PDE12: variants seen among roughly 807,000 people sequenced by gnomAD.
PDE12 encodes the protein 2',5'-phosphodiesterase 12.
A neutral mutation model predicts 45.4 loss-of-function variants in PDE12; 26 were observed. That is an observed-to-expected ratio of 0.57 (90% CI 0.42 to 0.79). The LOEUF (loss-of-function observed/expected upper bound fraction) is 0.79, where lower values mean the gene tolerates loss of function less well. Ranked by LOEUF, PDE12 falls within the 30% of genes least tolerant of loss-of-function variation. PDE12 has a pLI of 0.00. For missense variants in PDE12, 668 were observed against 790.0 expected (o/e 0.85, Z 1.85); for synonymous variants, 283 against 323.9 (o/e 0.87, Z 1.36).
chr3:57,610,281 C>T, the PDE12 span, among the ~76,000 whole-genome samples: 1 of 152,116 alleles, frequency 6.6e-6, no homozygotes, highest in African/African-American at 2.4e-5. Flanking sequence ...CAATATCATC[C>T]TGAATGGGCA....
the PDE12 span, among the ~76,000 whole-genome samples, chr3:57,647,493 T>C: frequency 2.0e-5 from 3 of 152,184 alleles, no homozygotes; most frequent in Admixed American, 2.0e-4. Context: ...ACTGTGGAAC[T>C]GCTGGAGCCC....
the PDE12 span, among the ~76,000 whole-genome samples, chr3:57,620,810 C>T: frequency 4.6e-5 from 7 of 152,118 alleles, no homozygotes; most frequent in East Asian, 3.9e-4. Context: ...CAAAACATTG[C>T]TGAGAGAAAG....
chr3:57,580,336 T>C, the PDE12 span, among the ~76,000 whole-genome samples: 1 of 152,210 alleles, frequency 6.6e-6, no homozygotes, highest in Non-Finnish European at 1.5e-5. Context: ...TTAGCAAATA[T>C]GTCTCCTCCT....
chr3:57,600,366 CT>C, the PDE12 span, among the ~76,000 whole-genome samples: 1 of 149,540 alleles, frequency 6.7e-6, no homozygotes, highest in African/African-American at 2.5e-5. Flanking sequence ...TCTTTCCTTT[CT>C]TTTCTTTCTT....
the PDE12 span, among the ~76,000 whole-genome samples, chr3:57,631,420 TC>T: frequency 6.6e-6 from 1 of 152,068 alleles, no homozygotes; most frequent in African/African-American, 2.4e-5. Context: ...GGTCTCGAAC[TC>T]CTGACCTCAT....
At chr3:57,572,123 G>A in the PDE12 span, 13 of 1,029,570 alleles carry the variant, frequency 1.3e-5, no homozygotes, top group African/African-American at 2.0e-4. Flanking sequence ...CCCAGATACT[G>A]TTTAATAACC....
the PDE12 span, among the ~76,000 whole-genome samples, chr3:57,622,878 C>A: frequency 7.2e-5 from 11 of 152,196 alleles, no homozygotes; most frequent in Non-Finnish European, 1.6e-4. Context: ...ATTCCACTTA[C>A]ATAAAACTCT....
At chr3:57,627,646 T>C in the PDE12 span, 1 of 152,398 alleles carries the variant, frequency 6.6e-6, no homozygotes, top group African/African-American at 2.4e-5. Flanking sequence ...TTTTAAACAA[T>C]GATCACTCAA....
chr3:57,556,566 A>T lies in PDE12; in HGVS notation c.187A>T (p.Met63Leu), dbSNP rs781626583. 6.2e-7 allele frequency: 1 copy of T among 1,613,370 alleles called. No individual in the cohort carries two copies. Among genetic ancestry groups the T allele is most frequent in the African/African-American group, 1.3e-5 (1 of 74,948 alleles). Residue 63 changes from methionine (M) to leucine (L), a missense_variant, in exon 1 of 3, where the codon ATG (methionine) becomes TTG (leucine). By Grantham distance (15) the Met-to-Leu change is conservative. Coordinates refer to ENST00000311180, the MANE Select transcript of PDE12 (RefSeq NM_177966.7). This position sits in a 1 kb window ranked among gnomAD's most constrained non-coding sequence, Gnocchi z 5.0. ...TTTGGCTGATGGTAGCCACAAGAAC[A>T]TGCAGCGCGACCAGAGCGAGCCGCT... ...FALADGSHKN[M>L]QRDQSEPLGR...
the PDE12 span, chr3:57,654,514 C>A: frequency 1.7e-6 from 1 of 578,814 alleles, no homozygotes; most frequent in Non-Finnish European, 2.2e-6. Context: ...AAGCAGGTGG[C>A]AGGAGGTGAT....
chr3:57,618,616 T>TTTTTG, the PDE12 span, among the ~76,000 whole-genome samples: 12 of 121,904 alleles, frequency 9.8e-5, no homozygotes, highest in Middle Eastern at 4.3e-3. Flanking sequence ...TGTTTTTTTT[T>TTTTTG]TTTTTTTTTT....
At chr3:57,628,685 G>A in the PDE12 span, 15 of 951,810 alleles carry the variant, frequency 1.6e-5, no homozygotes, top group Admixed American at 2.7e-5. Context: ...ACCATCAATT[G>A]ACCAATTTCA....
At chr3:57,651,064 G>C in the PDE12 span, among the ~76,000 whole-genome samples, 1 of 152,070 alleles carries the variant, frequency 6.6e-6, no homozygotes, top group Non-Finnish European at 1.5e-5. Flanking sequence ...GATTACAGGC[G>C]TGAGCCACTG....
At chr3:57,618,612 T>TTTTTTG in the PDE12 span, among the ~76,000 whole-genome samples, 8 of 119,530 alleles carry the variant, frequency 6.7e-5, 1 homozygote, top group Non-Finnish European at 1.5e-4. Flanking sequence ...TTTGTGTTTT[T>TTTTTTG]TTTTTTTTTT....
At chr3:57,577,399 T>C in the PDE12 span, 24 of 1,611,482 alleles carry the variant, frequency 1.5e-5, no homozygotes, top group East Asian at 2.2e-5. Context: ...TGGGGAAAAA[T>C]TGTTTCAGTA....
At chr3:57,613,888 G>A in the PDE12 span, among the ~76,000 whole-genome samples, 814 of 112,986 alleles carry the variant, frequency 7.2e-3, 12 homozygotes, top group African/African-American at 0.027. Context: ...ATGACAGAGC[G>A]AGACTCCATC....
chr3:57,565,961 T>G lies in PDE12; in HGVS notation c.*5957T>G, dbSNP rs2069783069. ...AAGCTGGGCTATAGTGTTTTGGGTA[T>G]CTTAAACCAAGAAAGGGTATTTCTA... On this transcript the variant is annotated 3_prime_UTR_variant, in exon 3 of 3. Transcript: ENST00000311180. The G allele has an allele frequency of 6.6e-6, 1 of 152,168 alleles. No individual in the cohort carries two copies. Among genetic ancestry groups the G allele is most frequent in the Non-Finnish European group, 1.5e-5 (1 of 68,034 alleles). The allele number at this position is 152,168 out of a possible 1,614,324, so 9.4% of individuals were successfully genotyped here. A position where few individuals can be genotyped will look rare whatever the true frequency, so the allele number is the denominator to read the frequency against.
At chr3:57,613,004 G>A in the PDE12 span, among the ~76,000 whole-genome samples, 3 of 151,780 alleles carry the variant, frequency 2.0e-5, no homozygotes, top group African/African-American at 4.8e-5. Context: ...TTTTGGTGAC[G>A]GAGTCTCGCT....
chr3:57,631,034 C>A, the PDE12 span: 73 of 1,549,668 alleles, frequency 4.7e-5, no homozygotes, highest in South Asian at 3.5e-4. Flanking sequence ...TTTAAACAGA[C>A]CTACTTAAAA....
Sources: gnomAD v4.1 joint callset for allele counts (sites outside exome capture counted in the v4.1 genomes callset) on GRCh38, gnomAD v4.1.1 for gene constraint, Gnocchi (gnomAD v3.1) non-coding constraint, MANE v1.5 for transcripts, NCBI Gene and HGNC (gene_info 2026-07-23, HGNC 2026-07-21) for gene names.